Variants in CA10 observed in about 807,000 individuals in gnomAD.
The protein encoded by CA10 is carbonic anhydrase-related protein 10.
A neutral mutation model predicts 44.2 loss-of-function variants in CA10; 14 were observed. The ratio of observed to expected loss-of-function variants is 0.32; its 90% CI spans 0.21 to 0.50. CA10 has a LOEUF of 0.50. CA10 is among the 20% of genes least tolerant of loss of function. CA10 has a pLI of 0.99. For missense variants in CA10, 350 were observed against 409.7 expected (o/e 0.85, Z 1.26); for synonymous variants, 159 against 141.6 (o/e 1.12, Z -0.87).
In CA10 at chr17:51,747,785, C is replaced by T. The variant is rs1031216745; in HGVS notation, c.313G>A (p.Val105Ile). Reference protein sequence around the residue: ...SGTMYNTGRHVSLRLDKEHLV... With the variant: ...SGTMYNTGRHISLRLDKEHLV... ...TGCTCCTTGTCCAGGCGAAGGGATA[C>T]GTGTCTTCCAGTGTTGTACATGGTC... Residue 105 changes from valine (V) to isoleucine (I), a missense_variant, in exon 4 of 9, where the codon GTA (valine) becomes ATA (isoleucine). By Grantham distance (29) the Val-to-Ile change is conservative. Transcript: ENST00000451037. 13 of 1,613,566 alleles carry T rather than the reference C, an allele frequency of 8.1e-6. No homozygotes were observed. The highest frequency in any genetic ancestry group is 4.0e-5 in the African/African-American group (3 of 74,914).
intron 3 of CA10, among the ~76,000 whole-genome samples, chr17:51,837,035 A>G (rs1196497565): frequency 6.6e-6 from 1 of 152,054 alleles, no homozygotes; most frequent in African/African-American, 2.4e-5. Context: ...GAGCATTTAT[A>G]ATGCCATAAG....
At chr17:51,863,996 C>T (rs1267327285) in intron 3 of CA10, among the ~76,000 whole-genome samples, 2 of 152,144 alleles carry the variant, frequency 1.3e-5, no homozygotes, top group African/African-American at 4.8e-5. Flanking sequence ...TTCCTTTCCC[C>T]ATGGGTTAAT....
chr17:51,785,479 C>T (rs1340130934), intron 3 of CA10, among the ~76,000 whole-genome samples: 1 of 151,964 alleles, frequency 6.6e-6, no homozygotes, highest in East Asian at 1.9e-4. Flanking sequence ...ATCATCTCAC[C>T]CCAGTTAAAA....
intron 1 of CA10, among the ~76,000 whole-genome samples, chr17:52,118,714 T>C (rs1988950271): frequency 6.6e-6 from 1 of 152,212 alleles, no homozygotes. Flanking sequence ...TTTGGGTATA[T>C]GCTATCAATC....
chr17:51,881,242 GAAAAAA>G (rs11423498), intron 3 of CA10, among the ~76,000 whole-genome samples: 6 of 123,734 alleles, frequency 4.8e-5, no homozygotes, highest in African/African-American at 1.8e-4. Flanking sequence ...TCCGTCTCAA[GAAAAAA>G]AAAAAAAAAA....
chr17:51,671,491 A>T (rs994704843), intron 4 of CA10, among the ~76,000 whole-genome samples: 1 of 151,640 alleles, frequency 6.6e-6, no homozygotes, highest in African/African-American at 2.4e-5. Context: ...TGCAAGCTCC[A>T]CCTCCCGGGT....
chr17:51,789,837 A>T (rs1906442969), intron 3 of CA10, among the ~76,000 whole-genome samples: 1 of 152,148 alleles, frequency 6.6e-6, no homozygotes, highest in Admixed American at 6.5e-5. Flanking sequence ...GGCCTGTGAA[A>T]CCCAGCAAAT....
intron 3 of CA10, among the ~76,000 whole-genome samples, chr17:51,809,721 C>T (rs948354411): frequency 5.9e-5 from 9 of 152,088 alleles, no homozygotes; most frequent in Admixed American, 1.3e-4. Flanking sequence ...GTGGACATAT[C>T]GGGGAAGATA....
At chr17:51,940,966 A>T (rs746581326) in intron 2 of CA10, among the ~76,000 whole-genome samples, 6 of 152,174 alleles carry the variant, frequency 3.9e-5, no homozygotes, top group Non-Finnish European at 7.4e-5. Flanking sequence ...CTTTTTATTC[A>T]CCAAGTCATG....
chr17:51,820,772 A>G lies in CA10; in HGVS notation c.280-72954T>C, dbSNP rs183284979. Among the ~76,000 whole-genome samples, 731 of 152,096 alleles carry G rather than the reference A, an allele frequency of 4.8e-3. 19 individuals are homozygous for G. The highest frequency in any genetic ancestry group is 0.045 in the Admixed American group (688 of 15,292). The stretch of plus-strand genomic sequence containing the variant: ...GGCATACTAGTATCTACTCATTTAG[A>G]GCACGTCCCAGAATTAGTGTGAGGG... On this transcript the variant is annotated intron_variant, in intron 3 of 8. Coordinates refer to ENST00000451037, the MANE Select transcript of CA10 (RefSeq NM_020178.5).
rs748544593 is a variant in CA10 at position 51,631,564 on chromosome 17, A to C, written c.*20T>G. On this transcript the variant is annotated 3_prime_UTR_variant, in exon 9 of 9. Transcript: ENST00000451037. ...AGTTGTAGCATTTCACTGAGGTGGG[A>C]TTCTTCTTGGCTTTGTTCCCTACTT... 6.2e-7 allele frequency: 1 copy of C among 1,609,058 alleles called. No homozygotes were observed. The highest frequency in any genetic ancestry group is 1.1e-5 in the South Asian group (1 of 90,910).
chr17:52,029,045 G>A (rs1388953411), intron 2 of CA10, among the ~76,000 whole-genome samples: 1 of 152,050 alleles, frequency 6.6e-6, no homozygotes, highest in South Asian at 2.1e-4. Context: ...TCCTTTGAGG[G>A]TGCTATCATA....
At position 51,649,213 on chromosome 17, in the gene CA10, G is replaced by T. The variant is rs1192687640; in HGVS notation, c.603C>A (p.Asn201Lys). 4 of 1,613,438 alleles carry T rather than the reference G, an allele frequency of 2.5e-6. No individual in the cohort carries two copies. The South Asian group carries it at 3.3e-5, about 13-fold the overall frequency. The change falls in exon 6 of 9, where the codon AAC (asparagine) becomes AAA (lysine). Residue 201 changes from asparagine (N) to lysine (K), a missense_variant. Physicochemically the swap from Asn to Lys is moderately conservative, Grantham distance 94 (BLOSUM62 0). Transcript: ENST00000451037. The stretch of plus-strand genomic sequence containing the variant: ...ATGTTATTCTTGTGATAGTATCTCT[G>T]TTGAGCATTCGATTAAGAAATGGGT... ...SSNPFLNRML[N>K]RDTITRITYK...
intron 4 of CA10, among the ~76,000 whole-genome samples, chr17:51,723,577 A>T (rs56261765): frequency 0.38 from 58,460 of 151,936 alleles, 11,820 homozygotes; most frequent in Middle Eastern, 0.5. Context: ...ATTGTATAAT[A>T]TCAAGGAATG....
intron 3 of CA10, among the ~76,000 whole-genome samples, chr17:51,862,594 C>A (rs560591657): frequency 6.6e-6 from 1 of 152,078 alleles, no homozygotes; most frequent in African/African-American, 2.4e-5. Context: ...GGTTCAGAAA[C>A]TATCTTTGCT....
At chr17:51,866,128 C>A (rs1979536077) in intron 3 of CA10, among the ~76,000 whole-genome samples, 1 of 152,238 alleles carries the variant, frequency 6.6e-6, no homozygotes, top group African/African-American at 2.4e-5. Flanking sequence ...CTGATAGTTC[C>A]TGACGATGCC....
intron 3 of CA10, among the ~76,000 whole-genome samples, chr17:51,821,058 TCCCTC>T (rs1567850824): frequency 1.7e-5 from 1 of 59,550 alleles, no homozygotes; most frequent in Non-Finnish European, 3.0e-5. Context: ...CCTCCCTCCC[TCCCTC>T]TCTCCCTTCC....
chr17:51,873,580 AT>A (rs1979916619), intron 3 of CA10, among the ~76,000 whole-genome samples: 2 of 152,150 alleles, frequency 1.3e-5, no homozygotes, highest in Admixed American at 6.5e-5. Flanking sequence ...AGAGAGGCCA[AT>A]TTTTTGCTTT....
intron 1 of CA10, among the ~76,000 whole-genome samples, chr17:52,098,717 C>T (rs948106640): frequency 1.3e-5 from 2 of 152,168 alleles, no homozygotes; most frequent in African/African-American, 2.4e-5. Context: ...TGATACCTAC[C>T]TGTTCCTCTA....
Sources: allele counts gnomAD v4.1 joint callset (sites outside exome capture counted in the v4.1 genomes callset), GRCh38; gene constraint gnomAD v4.1.1; transcripts MANE v1.5; gene names NCBI Gene and HGNC (gene_info 2026-07-23, HGNC 2026-07-21).